Variants in SNX13 observed in about 807,000 individuals in gnomAD.
SNX13 encodes sorting nexin 13.
A neutral mutation model predicts 133.6 loss-of-function variants in SNX13; 45 were observed. The observed-to-expected ratio is 0.34, with a 90% CI of 0.27 to 0.43. The LOEUF (loss-of-function observed/expected upper bound fraction) is 0.43. Ranked by LOEUF, SNX13 falls within the 20% of genes least tolerant of loss-of-function variation. The pLI is 1.00. For synonymous variants in SNX13, 414 were observed against 373.9 expected, an observed-to-expected ratio of 1.11 and a Z score of -1.24; for missense variants, 1,032 against 1,145.1, an observed-to-expected ratio of 0.90 and a Z score of 1.43.
chr7:17,919,619 GCAGAGTTCTATAA>G (rs1799912152), intron 1 of SNX13, among the ~76,000 whole-genome samples: 1 of 152,146 alleles, frequency 6.6e-6, no homozygotes, highest in African/African-American at 2.4e-5. Flanking sequence ...GATCTAATGT[GCAGAGTTCTATAA>G]CAAATACCCG....
intron 9 of SNX13, among the ~76,000 whole-genome samples, chr7:17,855,689 T>C (rs1039838930): frequency 1.3e-5 from 2 of 152,182 alleles, no homozygotes; most frequent in Admixed American, 1.3e-4. Flanking sequence ...TACAAAGAGA[T>C]TCCTTTCAAA....
intron 16 of SNX13, among the ~76,000 whole-genome samples, chr7:17,828,892 T>C (rs1788187227): frequency 6.6e-6 from 1 of 151,592 alleles, no homozygotes; most frequent in Admixed American, 6.6e-5. Flanking sequence ...AAGGGTTTCA[T>C]CACATTTGGA....
At chr7:17,870,637 C>CA (rs1288213918) in intron 8 of SNX13, among the ~76,000 whole-genome samples, 5 of 152,218 alleles carry the variant, frequency 3.3e-5, no homozygotes, top group African/African-American at 1.2e-4. Flanking sequence ...ACATGCACCA[C>CA]AGCCATCAAG....
intron 1 of SNX13, among the ~76,000 whole-genome samples, chr7:17,930,897 G>T (rs1401372496): frequency 2.6e-5 from 4 of 152,128 alleles, no homozygotes; most frequent in Non-Finnish European, 5.9e-5. Flanking sequence ...AAGGATCTAG[G>T]TTGCATATTC....
At chr7:17,827,398 C>G (rs1431001299) in intron 16 of SNX13, among the ~76,000 whole-genome samples, 1 of 151,890 alleles carries the variant, frequency 6.6e-6, no homozygotes, top group Non-Finnish European at 1.5e-5. Flanking sequence ...GCTTTTGAGT[C>G]CTAATGTAAT....
intron 19 of SNX13, 31 bp from the exon 20 acceptor site, chr7:17,814,975 T>C: frequency 7.4e-7 from 1 of 1,354,350 alleles, no homozygotes; most frequent in South Asian, 2.0e-5. Context: ...AAGAAGAGAT[T>C]ATCTTAAACT....
At chr7:17,813,504 CATTT>C (rs1786295392) in intron 20 of SNX13, among the ~76,000 whole-genome samples, 1 of 151,618 alleles carries the variant, frequency 6.6e-6, no homozygotes, top group Non-Finnish European at 1.5e-5. Context: ...TGGTTTTTGC[CATTT>C]GTTTTAAATG....
intron 12 of SNX13, among the ~76,000 whole-genome samples, chr7:17,840,780 T>G (rs959586348): frequency 2.6e-5 from 4 of 152,096 alleles, no homozygotes; most frequent in African/African-American, 9.7e-5. Context: ...TTAAAATTCT[T>G]AAAAATTTCA....
intron 9 of SNX13, among the ~76,000 whole-genome samples, chr7:17,857,788 A>G (rs1205439908): frequency 6.6e-6 from 1 of 152,148 alleles, no homozygotes; most frequent in East Asian, 1.9e-4. Context: ...AAAAATACTA[A>G]TAAACTTAAT....
At chr7:17,796,750 T>A in intron 25 of SNX13, 77 bp downstream of exon 25, 4 of 1,033,286 alleles carry the variant, frequency 3.9e-6, no homozygotes, top group Non-Finnish European at 6.0e-6. Flanking sequence ...AAAAGGCAGT[T>A]ACACTGGCAT....
chr7:17,874,084 A>G (rs1354778004), intron 7 of SNX13, among the ~76,000 whole-genome samples: 1 of 152,232 alleles, frequency 6.6e-6, no homozygotes, highest in Non-Finnish European at 1.5e-5. Context: ...AGAGAGCTCA[A>G]CTTACATAAA....
chr7:17,891,088 T>C (rs1583647457), intron 4 of SNX13, among the ~76,000 whole-genome samples: 1 of 151,978 alleles, frequency 6.6e-6, no homozygotes, highest in African/African-American at 2.4e-5. Context: ...AAAGTACACA[T>C]TTTTATAATC....
intron 4 of SNX13, among the ~76,000 whole-genome samples, chr7:17,891,238 C>CA (rs1158044810): frequency 1.3e-5 from 2 of 151,970 alleles, no homozygotes; most frequent in Non-Finnish European, 2.9e-5. Context: ...TGATTTACCA[C>CA]ACCACTAAGC....
At chr7:17,875,069 T>C (rs1794564391) in intron 7 of SNX13, among the ~76,000 whole-genome samples, 2 of 152,208 alleles carry the variant, frequency 1.3e-5, no homozygotes, top group South Asian at 2.1e-4. Flanking sequence ...TGCAATAGCA[T>C]GATCACAGGT....
At chr7:17,895,418 A>G (rs1351152101) in intron 2 of SNX13, among the ~76,000 whole-genome samples, 1 of 152,204 alleles carries the variant, frequency 6.6e-6, no homozygotes, top group Non-Finnish European at 1.5e-5. Flanking sequence ...ATATTAAAAA[A>G]TAAGGAGTTA....
intron 1 of SNX13, among the ~76,000 whole-genome samples, chr7:17,915,629 GTCTC>G (rs976279692): frequency 2.5e-5 from 3 of 119,546 alleles, no homozygotes; most frequent in South Asian, 2.8e-4. Context: ...CTGTCTGTCT[GTCTC>G]TCTCTCTCGT....
At chr7:17,893,675 T>TCTCTTAG (rs1796884009) in intron 2 of SNX13, among the ~76,000 whole-genome samples, 1 of 152,130 alleles carries the variant, frequency 6.6e-6, no homozygotes. Context: ...ATATATTTCC[T>TCTCTTAG]AAAGAATCTT....
chr7:17,803,443 T>C lies in SNX13; in HGVS notation c.2202A>G (p.Gln734=). ...CCTTAAAAAATGATTGCTTTATGTC[T>C]TGACCTAATCTTTCTGACATTTTGC... ...NMGKMSERLG[Q]DIKQSFFKVP... The change falls in exon 21 of 26, where the codon CAA becomes CAG. Residue 734 remains glutamine (Q), a synonymous_variant. Transcript: ENST00000428135. 2 of 1,611,314 alleles carry C rather than the reference T, an allele frequency of 1.2e-6. No individual in the cohort carries two copies. The highest frequency in any genetic ancestry group is 1.7e-6 in the Non-Finnish European group (2 of 1,178,616).
chr7:17,805,254 T>TGTGTGTGTGTGTGTGTGTGTGTGTGC (rs537620797), intron 20 of SNX13, among the ~76,000 whole-genome samples: 4 of 132,440 alleles, frequency 3.0e-5, no homozygotes, highest in African/African-American at 5.4e-5. Flanking sequence ...TGTGTGTGCG[T>TGTGTGTGTGTGTGTGTGTGTGTGTGC]GCGCGCGCGC....
Sources: gnomAD v4.1 joint callset for allele counts (sites outside exome capture counted in the v4.1 genomes callset) on GRCh38, gnomAD v4.1.1 for gene constraint, MANE v1.5 for transcripts, NCBI Gene and HGNC (gene_info 2026-07-23, HGNC 2026-07-21) for gene names.